Variants in CACNB2 observed in about 807,000 individuals in gnomAD.
CACNB2 encodes voltage-dependent L-type calcium channel subunit beta-2.
A neutral mutation model predicts 73.3 loss-of-function variants in CACNB2; 42 were observed. The ratio of observed to expected loss-of-function variants is 0.57; its 90% CI spans 0.45 to 0.74. The LOEUF (loss-of-function observed/expected upper bound fraction) is 0.74. Among genes scored for constraint, CACNB2 ranks in the 30% least tolerant of loss-of-function variants. The probability of loss-of-function intolerance (pLI) is 0.00; values close to 1 mark genes in which losing one functional copy is unlikely to be tolerated. For missense variants in CACNB2, 940 were observed against 853.0 expected, an observed-to-expected ratio of 1.10 and a Z score of -1.27; for synonymous variants, 348 against 310.3, an observed-to-expected ratio of 1.12 and a Z score of -1.28.
At chr10:18,215,091 A>G (rs978045302) in intron 2 of CACNB2, among the ~76,000 whole-genome samples, 1 of 55,816 alleles carries the variant, frequency 1.8e-5, no homozygotes, top group Non-Finnish European at 3.7e-5. Flanking sequence ...TTAGAATACA[A>G]GAAATACTGA....
chr10:18,313,768 G>C (rs1305396953), intron 2 of CACNB2, among the ~76,000 whole-genome samples: 1 of 152,200 alleles, frequency 6.6e-6, no homozygotes, highest in Non-Finnish European at 1.5e-5. Context: ...TTTGTCGCTG[G>C]TTAAGAGAAT....
intron 2 of CACNB2, among the ~76,000 whole-genome samples, chr10:18,356,022 T>C (rs1232269228): frequency 2.6e-5 from 4 of 152,192 alleles, no homozygotes; most frequent in African/African-American, 9.6e-5. Context: ...TCTGGAAGGT[T>C]TCTGTAAGGA....
chr10:18,237,485 T>A (rs1286086043), intron 2 of CACNB2, among the ~76,000 whole-genome samples: 1 of 152,160 alleles, frequency 6.6e-6, no homozygotes, highest in African/African-American at 2.4e-5. Flanking sequence ...GCTAAGAGAA[T>A]GGTGTAGAAC....
intron 2 of CACNB2, among the ~76,000 whole-genome samples, chr10:18,165,570 G>T (rs1346300479): frequency 6.6e-6 from 1 of 152,180 alleles, no homozygotes; most frequent in African/African-American, 2.4e-5. Flanking sequence ...ATGTCACCAT[G>T]CCCAGCTAAT....
At chr10:18,472,317 A>C (rs2035299504) in intron 3 of CACNB2, among the ~76,000 whole-genome samples, 1 of 142,152 alleles carries the variant, frequency 7.0e-6, no homozygotes, top group South Asian at 2.1e-4. Flanking sequence ...GCTCACTGCA[A>C]CCTCTACCTC....
intron 3 of CACNB2, among the ~76,000 whole-genome samples, chr10:18,475,369 C>A (rs1425385751): frequency 6.6e-6 from 1 of 152,144 alleles, no homozygotes; most frequent in Non-Finnish European, 1.5e-5. Context: ...GTTGGTTCCT[C>A]TGGCACCCAG....
At chr10:18,390,876 G>A (rs984944850) in intron 2 of CACNB2, among the ~76,000 whole-genome samples, 1 of 152,178 alleles carries the variant, frequency 6.6e-6, no homozygotes, top group Admixed American at 6.5e-5. Flanking sequence ...TTACAAATGA[G>A]AGAATTAGCC....
intron 2 of CACNB2, among the ~76,000 whole-genome samples, chr10:18,275,133 G>A (rs752985594): frequency 3.9e-5 from 6 of 152,136 alleles, no homozygotes; most frequent in Admixed American, 6.5e-5. Context: ...TCAGTCAACC[G>A]GGATTTCACT....
At chr10:18,518,476 C>G (rs1003105165) in intron 8 of CACNB2, 60 bp downstream of exon 8, 33 of 1,099,740 alleles carry the variant, frequency 3.0e-5, no homozygotes, top group Non-Finnish European at 4.5e-5. Context: ...TGTGATGCTG[C>G]CTCCTACTCC....
intron 2 of CACNB2, among the ~76,000 whole-genome samples, chr10:18,364,691 G>A (rs559963525): frequency 7.6e-4 from 116 of 152,162 alleles, no homozygotes; most frequent in African/African-American, 2.7e-3. Context: ...TTCTACATCT[G>A]TTACCTCTGA....
chr10:18,470,040 A>G (rs2048100671), intron 3 of CACNB2, among the ~76,000 whole-genome samples: 1 of 152,126 alleles, frequency 6.6e-6, no homozygotes, highest in African/African-American at 2.4e-5. Flanking sequence ...TGCAGTTAAT[A>G]TCTATGAAAA....
chr10:18,463,341 T>C (rs2047683396), intron 3 of CACNB2, among the ~76,000 whole-genome samples: 1 of 151,528 alleles, frequency 6.6e-6, no homozygotes, highest in Non-Finnish European at 1.5e-5. Flanking sequence ...CTGGACAATA[T>C]AGCAAGACCT....
At chr10:18,422,433 A>G (rs767730212) in intron 3 of CACNB2, among the ~76,000 whole-genome samples, 1 of 152,204 alleles carries the variant, frequency 6.6e-6, no homozygotes, top group Non-Finnish European at 1.5e-5. Context: ...AGAAAAATAA[A>G]TGATATATGA....
intron 2 of CACNB2, among the ~76,000 whole-genome samples, chr10:18,259,236 A>G (rs1054593823): frequency 6.6e-6 from 1 of 152,154 alleles, no homozygotes; most frequent in Admixed American, 6.5e-5. Flanking sequence ...AACCTCTTAG[A>G]CTATTAATAA....
chr10:18,279,728 T>C (rs1305498436), intron 2 of CACNB2, among the ~76,000 whole-genome samples: 1 of 152,200 alleles, frequency 6.6e-6, no homozygotes, highest in Non-Finnish European at 1.5e-5. Context: ...CTAAACTAAA[T>C]ACAGAGCTCT....
Position 18,299,614 on chromosome 10 carries a change from G to A in CACNB2, c.214-102310G>A, listed in dbSNP as rs188453574. 3.3e-5 allele frequency among the ~76,000 whole-genome samples: 5 copies of A among 152,300 alleles called. No homozygotes were observed. In the East Asian group the frequency reaches 9.6e-4, roughly 29 times the overall value. ...TACTCCCAGCTTCTCAGGAGGCTGA[G>A]GTGGGAGGATCAATTGAGCCTGGGA... On this transcript the variant is annotated intron_variant, in intron 2 of 13. Transcript: ENST00000324631.
At chr10:18,294,242 T>A (rs1258924353) in intron 2 of CACNB2, among the ~76,000 whole-genome samples, 1 of 152,224 alleles carries the variant, frequency 6.6e-6, no homozygotes, top group Non-Finnish European at 1.5e-5. Context: ...TTCTTTCTCC[T>A]GTTCATGCCT....
At chr10:18,413,312 T>G (rs146362945) in intron 3 of CACNB2, among the ~76,000 whole-genome samples, 32 of 152,320 alleles carry the variant, frequency 2.1e-4, no homozygotes, top group African/African-American at 7.7e-4. Flanking sequence ...TGCATTTTCC[T>G]TTGAATGAAG....
intron 13 of CACNB2, 179 bp from the exon 14 acceptor site, chr10:18,539,051 T>C: frequency 2.8e-6 from 2 of 715,358 alleles, no homozygotes; most frequent in Admixed American, 2.3e-5. Flanking sequence ...CAATTTAATA[T>C]AGTATAGTAT....
Sources: gnomAD v4.1 joint callset for allele counts (sites outside exome capture counted in the v4.1 genomes callset) on GRCh38, gnomAD v4.1.1 for gene constraint, MANE v1.5 for transcripts, NCBI Gene and HGNC (gene_info 2026-07-23, HGNC 2026-07-21) for gene names.